The following DNM2 variants were observed in gnomAD, a reference collection of about 807,000 sequenced individuals.
DNM2 encodes dynamin 2, also known as dynamin-2.
Under a neutral mutation model 99.0 loss-of-function variants are expected in DNM2, and 15 were observed. The observed-to-expected ratio is 0.15, with a 90% CI of 0.10 to 0.23. The LOEUF (loss-of-function observed/expected upper bound fraction) is 0.23. Among genes scored for constraint, DNM2 ranks in the 10% least tolerant of loss-of-function variants. DNM2 has a pLI of 1.00. For missense variants in DNM2, 742 were observed against 1,189.4 expected (o/e 0.62, Z 5.53); for synonymous variants, 525 against 481.2 (o/e 1.09, Z -1.19).
Position 10,825,194 on chromosome 19 carries a change from G to A in DNM2, c.2031G>A (p.Lys677=), listed in dbSNP as rs768285660. 4.3e-5 allele frequency: 69 copies of A among 1,614,050 alleles called. No individual in the cohort carries two copies. The highest frequency in any genetic ancestry group is 1.6e-4 in the Middle Eastern group (1 of 6,080). Residue 677 remains lysine, a synonymous_variant, in exon 18 of 21, where the codon AAG becomes AAA. Coordinates refer to ENST00000389253, the MANE Select transcript of DNM2 (RefSeq NM_001005361.3). ...INKSIRDLMP[K]TIMHLMINNT... The stretch of plus-strand genomic sequence containing the variant: ...AGTCCATCCGCGACCTCATGCCAAA[G>A]ACCATCATGCACCTCATGATCAACA...
intron 4 of DNM2, among the ~76,000 whole-genome samples, chr19:10,776,343 C>T (rs1374111317): frequency 1.3e-5 from 2 of 152,180 alleles, no homozygotes; most frequent in African/African-American, 4.8e-5. Context: ...ATGGTGAGAT[C>T]GTCTATTTCC....
At chr19:10,757,487 A>T (rs146755848) in intron 1 of DNM2, among the ~76,000 whole-genome samples, 9 of 152,276 alleles carry the variant, frequency 5.9e-5, no homozygotes, top group African/African-American at 1.9e-4. Context: ...CAGCATGGGT[A>T]GGGCCACCTG....
intron 1 of DNM2, among the ~76,000 whole-genome samples, chr19:10,740,900 A>G (rs934304545): frequency 2.0e-5 from 3 of 152,010 alleles, no homozygotes; most frequent in African/African-American, 7.3e-5. Flanking sequence ...TCTTGTGTTC[A>G]TTTCTAACTT....
rs962625335 is a variant in DNM2, at chr19:10,765,453, C to T, written c.235+5642C>T. 5.9e-5 allele frequency among the ~76,000 whole-genome samples: 9 copies of T among 152,156 alleles called. No homozygotes were observed. The highest frequency in any genetic ancestry group is 2.9e-5 in the Non-Finnish European group (2 of 68,024). On this transcript the variant is annotated intron_variant, in intron 2 of 20. Transcript: ENST00000389253. The surrounding 1 kb of genome is among the most constrained non-coding windows in gnomAD (Gnocchi z 4.4). ...GGGGGTTACTTTACCAAGCATCTTCCCCTGGTGAGCCTGGTCCATCACTCT... is the reference window on the plus strand; with the variant it reads ...GGGGGTTACTTTACCAAGCATCTTCTCCTGGTGAGCCTGGTCCATCACTCT...
Position 10,829,130 on chromosome 19 carries a change from G to A in DNM2, c.2153G>A (p.Arg718Gln), listed in dbSNP as rs753677038. 1.6e-5 allele frequency: 26 copies of A among 1,613,738 alleles called. No homozygotes were observed. Among genetic ancestry groups the A allele is most frequent in the East Asian group, 8.9e-5 (4 of 44,886 alleles). ...LMEESADQAQ[R>Q]RDDMLRMYHA... ...GAGGAGTCGGCTGACCAGGCACAGC[G>A]GCGGGACGACATGCTGCGCATGTAC... The change falls in exon 19 of 21, where the codon CGG (arginine) becomes CAG (glutamine). Residue 718 changes from arginine (R) to glutamine (Q), a missense_variant. By Grantham distance (43) the Arg-to-Gln change is conservative. Around this residue, in one of 7 missense-constraint regions of DNM2, gnomAD observed 240 missense variants for 431.3 expected, o/e 0.56. Coordinates refer to ENST00000389253, the MANE Select transcript of DNM2 (RefSeq NM_001005361.3).
intron 1 of DNM2, among the ~76,000 whole-genome samples, chr19:10,719,053 G>C (rs2068849792): frequency 6.6e-6 from 1 of 152,176 alleles, no homozygotes; most frequent in Non-Finnish European, 1.5e-5. Flanking sequence ...TCTACTGTCT[G>C]ACTGGCTAGC....
In DNM2 at chr19:10,736,043, A is replaced by G. The variant is rs529490036; in HGVS notation, c.161+17640A>G. Among the ~76,000 whole-genome samples, 255 of 152,194 alleles carry G rather than the reference A, an allele frequency of 1.7e-3. 3 individuals are homozygous for G. The highest frequency in any genetic ancestry group is 5.4e-4 in the Non-Finnish European group (37 of 68,002). ...CTAACACTTTGGAGGCAGGTGGATC[A>G]CTTGAGGTCAGGAGTTTGAAACTGG... On this transcript the variant is annotated intron_variant, in intron 1 of 20. Coordinates refer to ENST00000389253, the MANE Select transcript of DNM2 (RefSeq NM_001005361.3).
intron 16 of DNM2, among the ~76,000 whole-genome samples, chr19:10,821,254 C>T (rs973880113): frequency 1.3e-5 from 2 of 152,170 alleles, no homozygotes; most frequent in African/African-American, 4.8e-5. Context: ...TGACACCTGG[C>T]AGCTGTCCCA....
At chr19:10,771,506 T>C (rs2070978728) in intron 2 of DNM2, among the ~76,000 whole-genome samples, 2 of 149,160 alleles carry the variant, frequency 1.3e-5, no homozygotes, top group Admixed American at 6.8e-5. Context: ...AGACCAGCTC[T>C]GAGGAGGCGG....
Position 10,812,038 on chromosome 19 carries a change from G to A in DNM2, c.1558-226G>A. 1 of 527,048 alleles carries A rather than the reference G, an allele frequency of 1.9e-6. No homozygotes were observed. The allele number at this position is 527,048 out of a possible 1,614,324, so 32.6% of individuals were successfully genotyped here. A position where few individuals can be genotyped will look rare whatever the true frequency, so the allele number is the denominator to read the frequency against. ...TGAGTCTATACCCCATCAGCCCCTG[G>A]CCCAGTGAGTCTGTCTGTCCGCCCA... On this transcript the variant is annotated intron_variant, in intron 14 of 20. Coordinates refer to ENST00000389253, the MANE Select transcript of DNM2 (RefSeq NM_001005361.3). This position sits in a 1 kb window ranked among gnomAD's most constrained non-coding sequence, Gnocchi z 4.0.
rs375350902 is a variant in DNM2 at position 10,829,226 on chromosome 19, C to T, written c.2249C>T (p.Pro750Leu). 10 of 1,614,000 alleles carry T rather than the reference C, an allele frequency of 6.2e-6. 1 individual carries two copies. The highest frequency in any genetic ancestry group is 5.5e-5 in the South Asian group (5 of 91,088). Residue 750 changes from proline to leucine, a missense_variant, in exon 19 of 21, where the codon CCG (proline) becomes CTG (leucine). Around this residue, in one of 7 missense-constraint regions of DNM2, gnomAD observed 187 missense variants for 218.8 expected, o/e 0.85. Coordinates refer to ENST00000389253, the MANE Select transcript of DNM2 (RefSeq NM_001005361.3). ...AGCACTGTGTCCACGCCTGTACCCC[C>T]GCCTGTCGATGACACCTGGCTCCAG... ...STSTVSTPVPPPVDDTWLQSA... is the reference protein window; with the variant it reads ...STSTVSTPVPLPVDDTWLQSA...
chr19:10,787,504 C>T (rs947308668), intron 7 of DNM2, among the ~76,000 whole-genome samples: 3 of 151,180 alleles, frequency 2.0e-5, no homozygotes, highest in Non-Finnish European at 2.9e-5. Context: ...CGGTGGCTCA[C>T]GCCTGTAATC....
Position 10,824,966 on chromosome 19 carries a change from A to G in DNM2, c.1894-91A>G, listed in dbSNP as rs543262965. 2.4e-5 allele frequency: 38 copies of G among 1,601,198 alleles called. 1 individual carries two copies. In the South Asian group the frequency reaches 4.1e-4, roughly 17 times the overall value. On this transcript the variant is annotated intron_variant, in intron 17 of 20. Coordinates refer to ENST00000389253, the MANE Select transcript of DNM2 (RefSeq NM_001005361.3). ...GTCAGGGGCCAGCCTGAGGTCAGTTATTGGTGGGACAATAGGGCAGATGGT... is the reference window on the plus strand; with the variant it reads ...GTCAGGGGCCAGCCTGAGGTCAGTTGTTGGTGGGACAATAGGGCAGATGGT...
rs929108574 is a variant in DNM2 at position 10,765,859 on chromosome 19, G to A, written c.235+6048G>A. Reference sequence around the variant, plus strand: ...TGCCTTCAGGGCCAGCCTCGTCATTGTGTTCTTTGCTGGGGGAACGGTGAG... The same window carrying A: ...TGCCTTCAGGGCCAGCCTCGTCATTATGTTCTTTGCTGGGGGAACGGTGAG... On this transcript the variant is annotated intron_variant, in intron 2 of 20. Transcript: ENST00000389253. The surrounding 1 kb of genome is among the most constrained non-coding windows in gnomAD (Gnocchi z 4.4). Among the ~76,000 whole-genome samples, 2 of 152,206 alleles carry A rather than the reference G, an allele frequency of 1.3e-5. No homozygotes were observed. The highest frequency in any genetic ancestry group is 2.9e-5 in the Non-Finnish European group (2 of 68,036).
At chr19:10,819,416 C>T (rs2072893286) in intron 15 of DNM2, among the ~76,000 whole-genome samples, 1 of 152,148 alleles carries the variant, frequency 6.6e-6, no homozygotes, top group African/African-American at 2.4e-5. Context: ...ACAGAGGTAA[C>T]TCACTCCTAG....
chr19:10,739,394 C>T (rs947346030), intron 1 of DNM2, among the ~76,000 whole-genome samples: 5 of 152,202 alleles, frequency 3.3e-5, no homozygotes, highest in African/African-American at 1.2e-4. Flanking sequence ...TTCATTTCCC[C>T]TAAACCCATA....
At chr19:10,748,023 G>C (rs1411915489) in intron 1 of DNM2, among the ~76,000 whole-genome samples, 1 of 152,176 alleles carries the variant, frequency 6.6e-6, no homozygotes, top group Non-Finnish European at 1.5e-5. Flanking sequence ...TATGTGGCTG[G>C]AGTAAAGCCA....
At chr19:10,738,743 G>T (rs1216213442) in intron 1 of DNM2, among the ~76,000 whole-genome samples, 1 of 152,024 alleles carries the variant, frequency 6.6e-6, no homozygotes, top group African/African-American at 2.4e-5. Flanking sequence ...GGTGGTGGGT[G>T]CCTGTAATCC....
chr19:10,787,479 A>T (rs2071601932), intron 7 of DNM2, among the ~76,000 whole-genome samples: 1 of 149,862 alleles, frequency 6.7e-6, no homozygotes, highest in Admixed American at 6.7e-5. Flanking sequence ...TAAAAAAAAG[A>T]AAAAAGGCCA....
Sources: gnomAD v4.1 joint callset for allele counts (sites outside exome capture counted in the v4.1 genomes callset) on GRCh38, gnomAD v4.1.1 for gene constraint, gnomAD v4.1.1 regional missense constraint, Gnocchi (gnomAD v3.1) non-coding constraint, MANE v1.5 for transcripts, NCBI Gene and HGNC (gene_info 2026-07-23, HGNC 2026-07-21) for gene names.